The following TRPM7 variants were observed in gnomAD, a reference collection of about 807,000 sequenced individuals.
The protein encoded by TRPM7 is LTRPC ion channel family member 7.
Under a neutral mutation model 229.7 loss-of-function variants are expected in TRPM7, and 134 were observed. That is an observed-to-expected ratio of 0.58 (90% CI 0.51 to 0.67). TRPM7 has a LOEUF of 0.67. Ranked by LOEUF, TRPM7 falls within the 30% of genes least tolerant of loss-of-function variation. TRPM7 has a pLI of 0.00. For missense variants in TRPM7, 1,901 were observed against 2,210.0 expected, an observed-to-expected ratio of 0.86 and a Z score of 2.80; for synonymous variants, 699 against 715.2, an observed-to-expected ratio of 0.98 and a Z score of 0.36.
intron 21 of TRPM7, chr15:50,599,665 CTTCTCTG>C (rs1276002179): frequency 6.4e-6 from 1 of 156,516 alleles, no homozygotes; most frequent in African/African-American, 2.4e-5. Flanking sequence ...TTTCCTAAAG[CTTCTCTG>C]TTCTTATAAT....
chr15:50,568,135 A>AG (rs2053699527), intron 38 of TRPM7, among the ~76,000 whole-genome samples: 1 of 147,692 alleles, frequency 6.8e-6, no homozygotes, highest in East Asian at 1.9e-4. Context: ...AAAAAAAACA[A>AG]GGAGTAGAAG....
In TRPM7 at chr15:50,686,603, T is replaced by G; in HGVS notation, c.-70A>C. The G allele has an allele frequency of 6.3e-7, 1 of 1,583,726 alleles. No homozygotes were observed. Among genetic ancestry groups the G allele is most frequent in the Non-Finnish European group, 8.6e-7 (1 of 1,166,352 alleles). On this transcript the variant is annotated 5_prime_UTR_variant, in exon 1 of 39. Transcript: ENST00000646667. ...TCCTCCTCCGCGGCCTGTAGCCATC[T>G]ATCGGGAAGCGTCTCCGGAGGCGGC... is the stretch of plus-strand genomic sequence containing the variant.
intron 37 of TRPM7, 34 bp from the exon 38 acceptor site, chr15:50,570,027 A>C (rs1428498332): frequency 1.9e-6 from 3 of 1,592,214 alleles, no homozygotes; most frequent in Non-Finnish European, 1.7e-6. Flanking sequence ...AAAACAACAA[A>C]AAAAAGGGGG....
At chr15:50,676,221 C>A (rs71471508) in intron 1 of TRPM7, among the ~76,000 whole-genome samples, 6 of 152,134 alleles carry the variant, frequency 3.9e-5, no homozygotes, top group African/African-American at 1.2e-4. Context: ...TCCTTCCTGC[C>A]TAGATGCTGC....
intron 16 of TRPM7, 63 bp downstream of exon 16, chr15:50,612,486 G>A: frequency 1.0e-5 from 15 of 1,472,436 alleles, no homozygotes; most frequent in Non-Finnish European, 1.4e-5. Context: ...CACTGTAACA[G>A]CCACTCAAAC....
In TRPM7 at chr15:50,612,659, T is replaced by C; in HGVS notation, c.1941A>G (p.Glu647=). ...MARFLWQHGE[E]SMAKALVACK... is the part of the protein sequence containing the mutation. Reference sequence around the variant, plus strand: ...AGGCAACTAATGCTTTAGCCATTGATTCTTCACCATGTTGCCATAAAAAAC... The same window carrying C: ...AGGCAACTAATGCTTTAGCCATTGACTCTTCACCATGTTGCCATAAAAAAC... The change falls in exon 16 of 39, where the codon GAA becomes GAG. Residue 647 remains glutamate, a synonymous_variant. Coordinates refer to ENST00000646667, the MANE Select transcript of TRPM7 (RefSeq NM_017672.6). 6.2e-7 allele frequency: 1 copy of C among 1,614,196 alleles called. No homozygotes were observed.
intron 13 of TRPM7, among the ~76,000 whole-genome samples, chr15:50,615,867 G>C (rs1265247764): frequency 6.6e-6 from 1 of 152,032 alleles, no homozygotes; most frequent in Non-Finnish European, 1.5e-5. Context: ...TTGCACTCTA[G>C]CATGGGCAAC....
intron 1 of TRPM7, among the ~76,000 whole-genome samples, chr15:50,684,106 G>A (rs1367859485): frequency 6.6e-6 from 1 of 151,522 alleles, no homozygotes; most frequent in East Asian, 1.9e-4. Context: ...GGATCAGCCT[G>A]TCGCCGCCTC....
chr15:50,649,635 T>G (rs1477497173), intron 3 of TRPM7, among the ~76,000 whole-genome samples: 3 of 152,070 alleles, frequency 2.0e-5, no homozygotes, highest in Non-Finnish European at 4.4e-5. Context: ...ATCTATATAG[T>G]GACAAAAGGG....
chr15:50,569,745 A>G (rs1215247361), intron 38 of TRPM7, 142 bp downstream of exon 38: 1 of 489,202 alleles, frequency 2.0e-6, no homozygotes, highest in Admixed American at 3.8e-5. Flanking sequence ...ATAACCAACA[A>G]TATGTATTTG....
rs773358192 is a variant in TRPM7 at position 50,575,130 on chromosome 15, G to C, written c.4741C>G (p.Pro1581Ala). The C allele has an allele frequency of 6.3e-7, 1 of 1,582,118 alleles. No homozygotes were observed. The highest frequency in any genetic ancestry group is 1.1e-5 in the South Asian group (1 of 87,180). The change falls in exon 34 of 39, where the codon CCT becomes GCT. Residue 1581 changes from proline (P) to alanine (A), a missense_variant. Physicochemically the swap from Pro to Ala is conservative, Grantham distance 27 (BLOSUM62 -1). Around this residue, in one of 8 missense-constraint regions of TRPM7, gnomAD observed 257 missense variants for 352.0 expected, o/e 0.73. Coordinates refer to ENST00000646667, the MANE Select transcript of TRPM7 (RefSeq NM_017672.6). The part of the protein sequence containing the change: ...PFTPVPPRGE[P>A]VTVYRLEESS... ...TCTTCCAAACGATACACTGTGACAG[G>C]CTCCCCTGCAACACAAATGGAAAAA...
At chr15:50,661,749 G>C (rs12916510) in intron 2 of TRPM7, among the ~76,000 whole-genome samples, 11,443 of 152,224 alleles carry the variant, frequency 0.075, 554 homozygotes, top group South Asian at 0.12. Flanking sequence ...TAAATGGGTA[G>C]AGAACACAGT....
At chr15:50,675,547 C>A (rs1053469604) in intron 1 of TRPM7, among the ~76,000 whole-genome samples, 8 of 152,118 alleles carry the variant, frequency 5.3e-5, no homozygotes, top group African/African-American at 1.9e-4. Flanking sequence ...CATACCCCAG[C>A]TGAAAGTTGT....
Position 50,611,228 on chromosome 15 carries a change from G to A in TRPM7, c.2145C>T (p.Asn715=), listed in dbSNP as rs761185752. Residue 715 remains asparagine (N), a synonymous_variant, in exon 17 of 39, where the codon AAC becomes AAT. Coordinates refer to ENST00000646667, the MANE Select transcript of TRPM7 (RefSeq NM_017672.6). ...AMKLLTYELK[N]WSNSTCLKLA... ...ACTTAAGGCAGGTTGAATTACTCCAGTTCTTCAGTTCATAAGTGAGCAATT... is the reference window on the plus strand; with the variant it reads ...ACTTAAGGCAGGTTGAATTACTCCAATTCTTCAGTTCATAAGTGAGCAATT... 2.5e-6 allele frequency: 4 copies of A among 1,613,770 alleles called. No individual in the cohort carries two copies. The highest frequency in any genetic ancestry group is 1.6e-4 in the Middle Eastern group (1 of 6,080).
At chr15:50,679,776 C>T (rs1206258737) in intron 1 of TRPM7, among the ~76,000 whole-genome samples, 1 of 151,050 alleles carries the variant, frequency 6.6e-6, no homozygotes, top group Non-Finnish European at 1.5e-5. Flanking sequence ...TTCAAGCAAT[C>T]CTCCCGCCTC....
At chr15:50,683,501 G>A (rs1044316706) in intron 1 of TRPM7, among the ~76,000 whole-genome samples, 5 of 151,828 alleles carry the variant, frequency 3.3e-5, no homozygotes, top group African/African-American at 4.8e-5. Flanking sequence ...TTGGGAGGCC[G>A]AGGCGGGTGG....
rs183351011 is a variant in TRPM7, at chr15:50,637,479, C to G, written c.775G>C (p.Glu259Gln). Residue 259 changes from glutamate to glutamine, a missense_variant, in exon 7 of 39, where the codon GAA becomes CAA. This residue lies in a region of TRPM7 where 794 missense variants were observed against 881.9 expected (regional missense o/e 0.90). Coordinates refer to ENST00000646667, the MANE Select transcript of TRPM7 (RefSeq NM_017672.6). Reference sequence around the variant, plus strand: ...TCAAGTTCTCTTCTCAGTCTGACTTCCGCCCCATACTTTCCAACAGTGCCA... The same window carrying G: ...TCAAGTTCTCTTCTCAGTCTGACTTGCGCCCCATACTTTCCAACAGTGCCA... ...DDGTVGKYGA[E>Q]VRLRRELEKT... is the part of the protein sequence containing the mutation. 1 of 1,613,960 alleles carries G rather than the reference C, an allele frequency of 6.2e-7. No individual in the cohort carries two copies. The highest frequency in any genetic ancestry group is 8.5e-7 in the Non-Finnish European group (1 of 1,179,986).
intron 4 of TRPM7, 41 bp downstream of exon 4, chr15:50,648,646 A>C: frequency 6.6e-7 from 1 of 1,526,008 alleles, no homozygotes; most frequent in Non-Finnish European, 8.9e-7. Context: ...TTATTATTTA[A>C]ATAACAACAT....
intron 3 of TRPM7, among the ~76,000 whole-genome samples, chr15:50,653,589 C>A (rs1200296569): frequency 1.3e-5 from 2 of 152,116 alleles, no homozygotes; most frequent in Non-Finnish European, 2.9e-5. Context: ...GGTAAACCCC[C>A]ATGACTGCAC....
Sources: gnomAD v4.1 joint callset for allele counts (sites outside exome capture counted in the v4.1 genomes callset) on GRCh38, gnomAD v4.1.1 for gene constraint, gnomAD v4.1.1 regional missense constraint, MANE v1.5 for transcripts, NCBI Gene and HGNC (gene_info 2026-07-23, HGNC 2026-07-21) for gene names.